Variants in MYO16 observed in about 807,000 individuals in gnomAD.
The protein encoded by MYO16 is unconventional myosin-XVI.
MYO16 carries 94 observed loss-of-function variants against 205.3 expected under a neutral mutation model. That is an observed-to-expected ratio of 0.46 (90% CI 0.39 to 0.54). The LOEUF is 0.54. Among genes scored for constraint, MYO16 ranks in the 20% least tolerant of loss-of-function variants. The pLI is 0.00. For synonymous variants in MYO16, 988 were observed against 954.0 expected (o/e 1.04, Z -0.66); for missense variants, 2,315 against 2,387.5 (o/e 0.97, Z 0.63).
At chr13:108,723,068 A>T (rs56404670) in intron 3 of MYO16, among the ~76,000 whole-genome samples, 34,948 of 151,456 alleles carry the variant, frequency 0.23, 5,089 homozygotes, top group African/African-American at 0.42. Flanking sequence ...GTTGTTGTAC[A>T]CTCTTGAGAC....
intron 1 of MYO16, among the ~76,000 whole-genome samples, chr13:108,622,387 C>T (rs1462523553): frequency 1.3e-5 from 2 of 152,024 alleles, no homozygotes; most frequent in African/African-American, 2.4e-5. Flanking sequence ...GGTGACCTGA[C>T]CTTTAGGGAG....
rs377324802 is a variant in MYO16, at chr13:108,850,635, A to AT, written c.1249-4802dup. On this transcript the variant is annotated intron_variant, in intron 10 of 34. Transcript: ENST00000457511. ...GCAACATAAAAACATTCACAGACAT[A>AT]TTTTTTACTTTTCTTTCTACTTGTC... 2.1e-3 allele frequency among the ~76,000 whole-genome samples: 322 copies of AT among 152,244 alleles called. 2 individuals carry two copies. The highest frequency in any genetic ancestry group is 7.3e-3 in the African/African-American group (305 of 41,530).
chr13:108,870,550 T>C (rs913198507), intron 12 of MYO16, among the ~76,000 whole-genome samples: 26 of 152,148 alleles, frequency 1.7e-4, no homozygotes, highest in Non-Finnish European at 3.1e-4. Flanking sequence ...GTTCTGGATT[T>C]AATTTCTTTG....
chr13:109,023,695 G>GTATATATACA (rs1491381158), intron 23 of MYO16, among the ~76,000 whole-genome samples: 29 of 113,460 alleles, frequency 2.6e-4, no homozygotes, highest in Admixed American at 1.8e-3. Context: ...ACATATATAT[G>GTATATATACA]TATATATGTA....
chr13:108,536,077 G>A, the MYO16 span, among the ~76,000 whole-genome samples: 2 of 152,032 alleles, frequency 1.3e-5, no homozygotes, highest in African/African-American at 4.8e-5. Flanking sequence ...ACTTTGGTTG[G>A]ATACAGGAAC....
At chr13:108,859,202 A>G (rs1223814547) in intron 11 of MYO16, among the ~76,000 whole-genome samples, 1 of 152,066 alleles carries the variant, frequency 6.6e-6, no homozygotes, top group Non-Finnish European at 1.5e-5. Context: ...CTCTCTTTCT[A>G]TCATGCCCAT....
chr13:109,142,591 C>T lies in MYO16; in HGVS notation c.5164+1215C>T, dbSNP rs1037571865. 9.9e-5 allele frequency among the ~76,000 whole-genome samples: 15 copies of T among 152,154 alleles called. 1 individual carries two copies. Among genetic ancestry groups the T allele is most frequent in the African/African-American group, 3.6e-4 (15 of 41,396 alleles). ...GGGAAATTGGCTGTCCGCAACCAGT[C>T]AGACTTACTGCAGGCAGAGTCTTCC... On this transcript the variant is annotated intron_variant, in intron 32 of 34. Coordinates refer to ENST00000457511, the MANE Select transcript of MYO16 (RefSeq NM_001198950.3).
intron 19 of MYO16, among the ~76,000 whole-genome samples, chr13:108,963,816 C>T (rs945265055): frequency 3.9e-5 from 6 of 152,198 alleles, no homozygotes; most frequent in Admixed American, 6.5e-5. Context: ...TTGCTACCAC[C>T]ACCCTGTGGG....
At chr13:108,527,179 G>A in the MYO16 span, among the ~76,000 whole-genome samples, 1 of 152,002 alleles carries the variant, frequency 6.6e-6, no homozygotes, top group Non-Finnish European at 1.5e-5. Context: ...TTTTTGCAAT[G>A]AACAATCATA....
chr13:108,628,592 A>G (rs1347386309), upstream of MYO16, among the ~76,000 whole-genome samples: 1 of 152,172 alleles, frequency 6.6e-6, no homozygotes, highest in African/African-American at 2.4e-5. Context: ...CGAAATCTTC[A>G]ACTTATTATT....
At chr13:108,690,517 T>C (rs950022733) in intron 2 of MYO16, among the ~76,000 whole-genome samples, 1 of 151,634 alleles carries the variant, frequency 6.6e-6, no homozygotes, top group African/African-American at 2.4e-5. Flanking sequence ...AAGTTTAACA[T>C]GAAAAGGACT....
chr13:109,031,748 T>C (rs115133326), intron 23 of MYO16, among the ~76,000 whole-genome samples: 2 of 152,160 alleles, frequency 1.3e-5, no homozygotes, highest in South Asian at 4.1e-4. Context: ...GCAAGATTAG[T>C]TTTTTCCTTG....
At chr13:108,528,798 T>C in the MYO16 span, among the ~76,000 whole-genome samples, 4 of 144,740 alleles carry the variant, frequency 2.8e-5, no homozygotes, top group African/African-American at 1.0e-4. Context: ...CTCTCTTCTC[T>C]CTCTTTTTTC....
intron 32 of MYO16, among the ~76,000 whole-genome samples, chr13:109,149,706 G>T (rs947183266): frequency 3.9e-5 from 6 of 151,964 alleles, no homozygotes; most frequent in East Asian, 1.9e-4. Context: ...CATGTTCTTC[G>T]TGTGCCCCCT....
At chr13:108,574,250 G>A in the MYO16 span, among the ~76,000 whole-genome samples, 1 of 152,100 alleles carries the variant, frequency 6.6e-6, no homozygotes, top group Admixed American at 6.5e-5. Flanking sequence ...TCTCTTGTTG[G>A]CATCCAGCTT....
intron 11 of MYO16, among the ~76,000 whole-genome samples, chr13:108,862,991 A>G (rs1878520038): frequency 6.6e-6 from 1 of 152,148 alleles, no homozygotes; most frequent in Admixed American, 6.5e-5. Flanking sequence ...AAATAAGAAG[A>G]AAAAATTATT....
At chr13:108,677,319 G>T (rs1882257932) in intron 2 of MYO16, among the ~76,000 whole-genome samples, 1 of 127,068 alleles carries the variant, frequency 7.9e-6, no homozygotes, top group Non-Finnish European at 1.6e-5. Context: ...ATGCATGTGT[G>T]TGTGTGTGTG....
At chr13:109,076,572 T>G (rs999549438) in intron 27 of MYO16, among the ~76,000 whole-genome samples, 1 of 152,112 alleles carries the variant, frequency 6.6e-6, no homozygotes, top group Non-Finnish European at 1.5e-5. Context: ...GGGAATACCA[T>G]TTCTTATTTT....
the MYO16 span, among the ~76,000 whole-genome samples, chr13:108,561,211 T>A: frequency 2.1e-3 from 325 of 152,370 alleles, 1 homozygote; most frequent in African/African-American, 7.3e-3. Flanking sequence ...ATAATCAGTT[T>A]GAAATTAGGA....
Sources: allele counts gnomAD v4.1 joint callset (sites outside exome capture counted in the v4.1 genomes callset), GRCh38; gene constraint gnomAD v4.1.1; transcripts MANE v1.5; gene names NCBI Gene and HGNC (gene_info 2026-07-23, HGNC 2026-07-21).